CYFIP2: variants seen among roughly 807,000 people sequenced by gnomAD.
CYFIP2 encodes cytoplasmic FMR1 interacting protein 2.
CYFIP2 carries 29 observed loss-of-function variants against 158.7 expected under a neutral mutation model. The ratio of observed to expected loss-of-function variants is 0.18; its 90% confidence interval spans 0.14 to 0.25. The LOEUF (loss-of-function observed/expected upper bound fraction) is 0.25. Ranked by LOEUF, CYFIP2 falls within the 10% of genes least tolerant of loss-of-function variation. The probability of loss-of-function intolerance (pLI) is 1.00; values close to 1 mark genes in which losing one functional copy is unlikely to be tolerated. For synonymous variants in CYFIP2, 585 were observed against 617.6 expected (o/e 0.95, Z 0.78); for missense variants, 852 against 1,639.5 (o/e 0.52, Z 8.29).
At chr5:157,285,288 AT>A in intron 1 of CYFIP2, 50 bp from the exon 2 acceptor site, 1 of 1,313,290 alleles carries the variant, frequency 7.6e-7, no homozygotes, top group Non-Finnish European at 1.1e-6. Flanking sequence ...GTTAAGAGGA[AT>A]TTTAGAGGCC....
At chr5:157,316,040 A>C (rs552306796) in intron 13 of CYFIP2, among the ~76,000 whole-genome samples, 55 of 152,348 alleles carry the variant, frequency 3.6e-4, no homozygotes, top group African/African-American at 1.3e-3. Flanking sequence ...CATTGAGCCA[A>C]GATTGTGCCA....
At chr5:157,310,241 G>T (rs1759595027) in intron 10 of CYFIP2, among the ~76,000 whole-genome samples, 1 of 152,206 alleles carries the variant, frequency 6.6e-6, no homozygotes, top group Non-Finnish European at 1.5e-5. Context: ...CGTGAATTGG[G>T]TGGGCAGCCT....
At chr5:157,337,601 G>A (rs1231162947) in intron 21 of CYFIP2, among the ~76,000 whole-genome samples, 5 of 152,288 alleles carry the variant, frequency 3.3e-5, no homozygotes, top group African/African-American at 4.8e-5. Flanking sequence ...CCAAAAATTG[G>A]AAGCATAGCC....
rs571505712 is a variant in CYFIP2, at chr5:157,372,359, A to G, written c.3040-10231A>G. ...CTCTCAAATGACTCAGTAAAGTTAA[A>G]GCAAATATGACAAAATGTTCATTTT... On this transcript the variant is annotated intron_variant, in intron 26 of 30. Coordinates refer to ENST00000620254, the MANE Select transcript of CYFIP2 (RefSeq NM_001037333.3). Among the ~76,000 whole-genome samples the G allele has an allele frequency of 3.5e-5, 5 of 141,122 alleles. No homozygotes were observed. In the East Asian group the frequency reaches 9.9e-4, roughly 28 times the overall value. The allele number at this position is 141,122 out of a possible 152,430, so 92.6% of individuals were successfully genotyped here.
intron 29 of CYFIP2, among the ~76,000 whole-genome samples, chr5:157,389,959 G>C (rs1767106307): frequency 6.6e-6 from 1 of 152,184 alleles, no homozygotes; most frequent in African/African-American, 2.4e-5. Flanking sequence ...TGACTCTACT[G>C]CCATCCAAAT....
chr5:157,340,951 C>T (rs886786394), intron 22 of CYFIP2, 119 bp from the exon 23 acceptor site: 1 of 838,408 alleles, frequency 1.2e-6, no homozygotes, highest in Non-Finnish European at 2.0e-6. Context: ...ACCTAACAAA[C>T]AGTGCACTTG....
intron 1 of CYFIP2, among the ~76,000 whole-genome samples, chr5:157,271,141 T>A (rs1488097597): frequency 6.6e-6 from 1 of 152,046 alleles, no homozygotes; most frequent in African/African-American, 2.4e-5. Context: ...ATCGGTAAGA[T>A]TTGAGAAGGG....
intron 26 of CYFIP2, chr5:157,376,390 G>C (rs1765483422): frequency 2.6e-5 from 4 of 152,428 alleles, no homozygotes; most frequent in Admixed American, 2.6e-4. Flanking sequence ...ACCTGTTGTA[G>C]TGTTTCCCAC....
intron 1 of CYFIP2, among the ~76,000 whole-genome samples, chr5:157,275,758 C>A (rs79615135): frequency 0.082 from 12,415 of 152,244 alleles, 662 homozygotes; most frequent in Middle Eastern, 0.15. Flanking sequence ...GCCGTGTTAA[C>A]AATATTAAGC....
intron 22 of CYFIP2, among the ~76,000 whole-genome samples, chr5:157,339,934 G>A (rs1470594803): frequency 6.6e-6 from 1 of 152,206 alleles, no homozygotes; most frequent in East Asian, 1.9e-4. Context: ...ACAGGCCAGG[G>A]CAGGATCGTG....
intron 23 of CYFIP2, among the ~76,000 whole-genome samples, chr5:157,352,818 T>A (rs758900921): frequency 1.3e-5 from 2 of 152,140 alleles, no homozygotes; most frequent in African/African-American, 4.8e-5. Context: ...TCCTGGATTA[T>A]CTTGGGTTAT....
Position 157,286,992 on chromosome 5 carries a change from A to C in CYFIP2, c.118-27A>C, listed in dbSNP as rs367682322. On this transcript the variant is annotated intron_variant, in intron 2 of 30. Coordinates refer to ENST00000620254, the MANE Select transcript of CYFIP2 (RefSeq NM_001037333.3). Reference sequence around the variant, plus strand: ...ACTTGGAACTGTTTTCTAACAACCAAAATGTTCCTGTCCTCTAATTCCACA... The same window carrying C: ...ACTTGGAACTGTTTTCTAACAACCACAATGTTCCTGTCCTCTAATTCCACA... The C allele has an allele frequency of 4.7e-5, 76 of 1,601,658 alleles. No homozygotes were observed. In the African/African-American group the frequency reaches 9.5e-4, roughly 20 times the overall value.
At chr5:157,334,300 G>A (rs1168930728) in intron 21 of CYFIP2, among the ~76,000 whole-genome samples, 1 of 152,208 alleles carries the variant, frequency 6.6e-6, no homozygotes, top group Non-Finnish European at 1.5e-5. Flanking sequence ...AGTTGGAGAA[G>A]GTGAGTTTCA....
intron 26 of CYFIP2, among the ~76,000 whole-genome samples, chr5:157,378,141 T>A (rs1244676149): frequency 6.6e-6 from 1 of 152,146 alleles, no homozygotes; most frequent in South Asian, 2.1e-4. Context: ...AATTTTTGGG[T>A]ACAAACTGAC....
chr5:157,373,699 A>G (rs1191001956), intron 26 of CYFIP2, among the ~76,000 whole-genome samples: 1 of 152,218 alleles, frequency 6.6e-6, no homozygotes, highest in Non-Finnish European at 1.5e-5. Context: ...AATGATAAAA[A>G]TAGATTACAG....
At chr5:157,315,306 A>G (rs554504891) in intron 13 of CYFIP2, among the ~76,000 whole-genome samples, 1 of 149,602 alleles carries the variant, frequency 6.7e-6, no homozygotes, top group African/African-American at 2.5e-5. Flanking sequence ...AAAAACATCC[A>G]TTCCACTGGA....
chr5:157,393,034 G>A lies in CYFIP2; in HGVS notation c.*34G>A. The A allele has an allele frequency of 6.2e-7, 1 of 1,607,594 alleles. No homozygotes were observed. The highest frequency in any genetic ancestry group is 1.1e-5 in the South Asian group (1 of 90,236). ...TCCTGCAGACCCTTATCTGGAGGAG[G>A]AAGAGAAGCAGGAGAGAGAAAGCCA... On this transcript the variant is annotated 3_prime_UTR_variant, in exon 31 of 31. Coordinates refer to ENST00000620254, the MANE Select transcript of CYFIP2 (RefSeq NM_001037333.3).
intron 23 of CYFIP2, chr5:157,342,741 A>AC: frequency 1.0e-6 from 1 of 992,566 alleles, no homozygotes; most frequent in Admixed American, 2.9e-5. Flanking sequence ...AACCCAGGTG[A>AC]CCTACAATAG....
intron 5 of CYFIP2, among the ~76,000 whole-genome samples, chr5:157,300,502 T>C (rs1391009804): frequency 6.9e-6 from 1 of 144,666 alleles, no homozygotes; most frequent in Non-Finnish European, 1.5e-5. Flanking sequence ...ACCGCTGCAC[T>C]CCAGCCTGGT....
Sources: allele counts gnomAD v4.1 joint callset (sites outside exome capture counted in the v4.1 genomes callset), GRCh38; gene constraint gnomAD v4.1.1; transcripts MANE v1.5; gene names NCBI Gene and HGNC (gene_info 2026-07-23, HGNC 2026-07-21).